Variants in REPS2 observed in about 807,000 individuals in gnomAD.
The protein encoded by REPS2 is RALBP1 associated Eps domain containing 2.
A neutral mutation model predicts 53.6 loss-of-function variants in REPS2; 23 were observed. The observed-to-expected ratio is 0.43, with a 90% CI of 0.31 to 0.61. The LOEUF (loss-of-function observed/expected upper bound fraction) is 0.61. REPS2 is among the 20% of genes least tolerant of loss of function. The pLI is 0.11. For synonymous variants in REPS2, 238 were observed against 218.6 expected (o/e 1.09, Z -0.78); for missense variants, 446 against 534.9 (o/e 0.83, Z 1.64).
chrX:17,146,909 A>G (rs1419676269), intron 17 of REPS2, among the ~76,000 whole-genome samples: 1 of 111,928 alleles, frequency 8.9e-6, no homozygotes, highest in Non-Finnish European at 1.9e-5. Flanking sequence ...ACCTTACACC[A>G]TATGTTGTGC....
the REPS2 span, among the ~76,000 whole-genome samples, chrX:17,180,224 T>C: frequency 1.4e-4 from 16 of 111,452 alleles, 1 homozygote; most frequent in South Asian, 5.7e-3. Flanking sequence ...TTTCACTTGG[T>C]ACAATGACCA....
chrX:17,137,588 G>C (rs2063388813), intron 16 of REPS2: 1 of 111,863 alleles, frequency 8.9e-6, no homozygotes, highest in Admixed American at 9.5e-5. Flanking sequence ...TCTGTGGGCT[G>C]TCTTTTCACT....
chrX:16,964,505 C>T (rs1399292816), intron 1 of REPS2, among the ~76,000 whole-genome samples: 5 of 109,123 alleles, frequency 4.6e-5, no homozygotes, highest in South Asian at 7.9e-4. Context: ...TCTACAAAAC[C>T]GCCATTGTCA....
intron 14 of REPS2, among the ~76,000 whole-genome samples, chrX:17,115,903 A>G (rs2063047241): frequency 8.9e-6 from 1 of 112,044 alleles, no homozygotes; most frequent in Admixed American, 9.5e-5. Context: ...AGTACAGAAC[A>G]AAATGGAGTC....
At chrX:17,112,081 T>A (rs1237608127) in intron 14 of REPS2, among the ~76,000 whole-genome samples, 3 of 109,941 alleles carry the variant, frequency 2.7e-5, no homozygotes, top group African/African-American at 1.0e-4. Context: ...GGACTCAGCC[T>A]CCTGGGTAGC....
At chrX:17,134,083 C>G (rs1338010983) in intron 15 of REPS2, among the ~76,000 whole-genome samples, 176 bp downstream of exon 15, 1 of 111,734 alleles carries the variant, frequency 8.9e-6, no homozygotes. Context: ...GATTCCTGGG[C>G]TTGACCCTTG....
chrX:17,129,736 C>G (rs748088137), intron 14 of REPS2, among the ~76,000 whole-genome samples: 11 of 112,425 alleles, frequency 9.8e-5, no homozygotes, highest in Admixed American at 1.9e-4. Flanking sequence ...CAAAGACGCT[C>G]TGCTGTGCTT....
chrX:17,161,444 T>C, the REPS2 span, among the ~76,000 whole-genome samples: 1 of 111,499 alleles, frequency 9.0e-6, no homozygotes, highest in Non-Finnish European at 1.9e-5. Context: ...TAATGAGGAA[T>C]GCAAGGCAAC....
At chrX:16,984,352 CAGAG>C (rs1043115037) in intron 1 of REPS2, among the ~76,000 whole-genome samples, 25 of 112,048 alleles carry the variant, frequency 2.2e-4, no homozygotes, top group African/African-American at 8.1e-4. Context: ...TGAGGGATCT[CAGAG>C]AGACAGCAAG....
rs1323440162 is a variant in REPS2 at position 16,946,738 on chromosome X, T to TGGCGGC, written c.-118_-113dup. 1.4e-6 allele frequency: 1 copy of TGGCGGC among 692,554 alleles called. No individual in the cohort carries two copies. The highest frequency in any genetic ancestry group is 1.7e-6 in the Non-Finnish European group (1 of 594,201). 57.1% of individuals were successfully genotyped at this position (692,554 alleles called of 1,213,427 possible). ...CAGCTGCGGGGCGTGGGGGTGGTGG[T>TGGCGGC]GGCGGCGGCGGTGGTGGCGGCGGCG... On this transcript the variant is annotated 5_prime_UTR_variant, in exon 1 of 18. Transcript: ENST00000357277.
the REPS2 span, among the ~76,000 whole-genome samples, chrX:17,180,015 A>G: frequency 8.9e-6 from 1 of 111,786 alleles, no homozygotes; most frequent in Admixed American, 9.5e-5. Context: ...GTAAAAATGA[A>G]CAGCAATTAA....
chrX:16,990,175 G>C (rs1204122619), intron 1 of REPS2, among the ~76,000 whole-genome samples: 1 of 111,914 alleles, frequency 8.9e-6, no homozygotes, highest in African/African-American at 3.2e-5. Context: ...AGTGAGAAAA[G>C]CCAATCCTGA....
At chrX:17,000,379 T>C (rs1291965816) in intron 1 of REPS2, among the ~76,000 whole-genome samples, 1 of 112,112 alleles carries the variant, frequency 8.9e-6, no homozygotes, top group Non-Finnish European at 1.9e-5. Context: ...GATCCTCTTG[T>C]CTCAGCCTTC....
At chrX:17,180,424 G>GA in the REPS2 span, among the ~76,000 whole-genome samples, 1 of 110,729 alleles carries the variant, frequency 9.0e-6, no homozygotes, top group African/African-American at 3.3e-5. Context: ...TCCTCACCTG[G>GA]AAAAAGGAAA....
At chrX:17,069,297 G>C (rs976638336) in intron 10 of REPS2, among the ~76,000 whole-genome samples, 1 of 112,014 alleles carries the variant, frequency 8.9e-6, no homozygotes, top group African/African-American at 3.2e-5. Flanking sequence ...CCTGTTATTT[G>C]ATATTGATTT....
intron 3 of REPS2, among the ~76,000 whole-genome samples, chrX:17,023,680 G>T (rs1460196392): frequency 9.0e-6 from 1 of 111,047 alleles, no homozygotes; most frequent in Non-Finnish European, 1.9e-5. Flanking sequence ...AAAGGAAGAG[G>T]TATAGGAATT....
At chrX:17,166,121 C>T in the REPS2 span, among the ~76,000 whole-genome samples, 74 of 111,156 alleles carry the variant, frequency 6.7e-4, no homozygotes, top group African/African-American at 2.1e-3. Context: ...CTGATTCTCT[C>T]GCCGCTGACC....
At chrX:17,018,624 G>A (rs2061531772) in intron 2 of REPS2, among the ~76,000 whole-genome samples, 2 of 100,321 alleles carry the variant, frequency 2.0e-5, no homozygotes, top group South Asian at 9.2e-4. Flanking sequence ...TTTTAATGTG[G>A]CTCACATTCT....
intron 13 of REPS2, among the ~76,000 whole-genome samples, chrX:17,100,804 C>T (rs2062783509): frequency 9.0e-6 from 1 of 111,449 alleles, no homozygotes; most frequent in Non-Finnish European, 1.9e-5. Context: ...TATGGTTGGG[C>T]ACAGTGGCTC....
Sources: gnomAD v4.1 joint callset for allele counts (sites outside exome capture counted in the v4.1 genomes callset) on GRCh38, gnomAD v4.1.1 for gene constraint, MANE v1.5 for transcripts, NCBI Gene and HGNC (gene_info 2026-07-23, HGNC 2026-07-21) for gene names.